CACHD1: variants seen among roughly 807,000 people sequenced by gnomAD.
CACHD1 encodes the protein cache domain containing 1, also known as VWFA and cache domain-containing protein 1.
Under a neutral mutation model 138.7 loss-of-function variants are expected in CACHD1, and 71 were observed. The ratio of observed to expected loss-of-function variants is 0.51; its 90% CI spans 0.42 to 0.62. The LOEUF (loss-of-function observed/expected upper bound fraction) is 0.62. Among genes scored for constraint, CACHD1 ranks in the 20% least tolerant of loss-of-function variants. The pLI, the probability that CACHD1 is intolerant of heterozygous loss-of-function variation, is 0.00. For missense variants in CACHD1, 1,389 were observed against 1,625.3 expected (o/e 0.85, Z 2.50); for synonymous variants, 578 against 591.5 (o/e 0.98, Z 0.33).
At chr1:64,567,411 CAT>C in intron 2 of CACHD1, among the ~76,000 whole-genome samples, 1 of 152,122 alleles carries the variant, frequency 6.6e-6, no homozygotes, top group East Asian at 1.9e-4. Context: ...AATTAGTACA[CAT>C]ATAAATCGTG....
intron 7 of CACHD1, among the ~76,000 whole-genome samples, chr1:64,639,728 C>CA (rs1163525074): frequency 6.6e-6 from 1 of 152,120 alleles, no homozygotes; most frequent in Non-Finnish European, 1.5e-5. Context: ...GTGTCTTCAC[C>CA]ATTAGGATAA....
At chr1:64,639,079 G>T (rs1648615542) in intron 7 of CACHD1, among the ~76,000 whole-genome samples, 1 of 152,126 alleles carries the variant, frequency 6.6e-6, no homozygotes, top group South Asian at 2.1e-4. Context: ...AGCTCTAAAT[G>T]ACAGTGTATT....
In CACHD1 at chr1:64,673,414, T is replaced by A; in HGVS notation, c.2677T>A (p.Phe893Ile). The A allele has an allele frequency of 1.9e-6, 3 of 1,614,170 alleles. No individual in the cohort carries two copies. The highest frequency in any genetic ancestry group is 2.5e-6 in the Non-Finnish European group (3 of 1,180,016). The change falls in exon 19 of 27, where the codon TTC (phenylalanine) becomes ATC (isoleucine). Residue 893 changes from phenylalanine (F) to isoleucine (I), a missense_variant. Physicochemically the swap from Phe to Ile is conservative, Grantham distance 21. This residue lies in a region of CACHD1 where 1,000 missense variants were observed against 1,114.7 expected (regional missense o/e 0.90). Transcript: ENST00000651257. ...TGTAAAGAAAAACCTGTGCAACAGCTTCAGTGACAGAACGGTCCAGAGGTT... is the reference window on the plus strand; with the variant it reads ...TGTAAAGAAAAACCTGTGCAACAGCATCAGTGACAGAACGGTCCAGAGGTT... ...NFVKKNLCNSFSDRTVQRFYK... is the reference protein window; with the variant it reads ...NFVKKNLCNSISDRTVQRFYK...
At chr1:64,471,199 C>T (rs112979108) in intron 1 of CACHD1, among the ~76,000 whole-genome samples, 42 of 151,996 alleles carry the variant, frequency 2.8e-4, no homozygotes, top group Non-Finnish European at 4.3e-4. Flanking sequence ...CCCTGCACAG[C>T]CCCCCTCTTC....
At chr1:64,601,649 C>T (rs995050374) in intron 3 of CACHD1, among the ~76,000 whole-genome samples, 3 of 152,196 alleles carry the variant, frequency 2.0e-5, no homozygotes, top group Non-Finnish European at 4.4e-5. Context: ...ATCAGTTCCA[C>T]GTGTTCTTAT....
At chr1:64,494,223 AT>A (rs1161173853) in intron 1 of CACHD1, among the ~76,000 whole-genome samples, 1 of 152,196 alleles carries the variant, frequency 6.6e-6, no homozygotes, top group Non-Finnish European at 1.5e-5. Context: ...GTGGCTTCTT[AT>A]CCTCTTAGTT....
intron 2 of CACHD1, among the ~76,000 whole-genome samples, chr1:64,579,232 T>A (rs1296902934): frequency 6.6e-6 from 1 of 152,282 alleles, no homozygotes; most frequent in South Asian, 2.1e-4. Flanking sequence ...TAAAAAACAT[T>A]TAAAAGTGTA....
At chr1:64,484,003 C>A (rs1388039125) in intron 1 of CACHD1, among the ~76,000 whole-genome samples, 1 of 152,026 alleles carries the variant, frequency 6.6e-6, no homozygotes, top group African/African-American at 2.4e-5. Flanking sequence ...CAGCACCGTC[C>A]CTTGCCCTTC....
chr1:64,486,356 A>G (rs1646242262), intron 1 of CACHD1, among the ~76,000 whole-genome samples: 1 of 108,786 alleles, frequency 9.2e-6, no homozygotes, highest in African/African-American at 3.5e-5. Context: ...GCGCGCACAC[A>G]CACACACACA....
At chr1:64,476,482 C>T (rs571190472) in intron 1 of CACHD1, among the ~76,000 whole-genome samples, 1 of 152,188 alleles carries the variant, frequency 6.6e-6, no homozygotes, top group Non-Finnish European at 1.5e-5. Flanking sequence ...AAGGAAAAAT[C>T]ACCTGTATAT....
chr1:64,495,901 A>G (rs1041021223), intron 1 of CACHD1, among the ~76,000 whole-genome samples: 2 of 152,190 alleles, frequency 1.3e-5, no homozygotes, highest in African/African-American at 4.8e-5. Context: ...CTAATCCATT[A>G]AAAGAAAAAA....
At chr1:64,497,755 C>G (rs1646313915) in intron 1 of CACHD1, among the ~76,000 whole-genome samples, 1 of 152,164 alleles carries the variant, frequency 6.6e-6, no homozygotes, top group African/African-American at 2.4e-5. Context: ...AGCCCTTTGA[C>G]AGGCATTTGG....
chr1:64,477,631 T>TTTA (rs1557455126), intron 1 of CACHD1, among the ~76,000 whole-genome samples: 3 of 126,900 alleles, frequency 2.4e-5, no homozygotes, highest in African/African-American at 1.1e-4. Flanking sequence ...ATTATTTTAT[T>TTTA]TTATTTTTTT....
At chr1:64,492,907 G>C (rs1646286541) in intron 1 of CACHD1, among the ~76,000 whole-genome samples, 1 of 152,190 alleles carries the variant, frequency 6.6e-6, no homozygotes, top group African/African-American at 2.4e-5. Flanking sequence ...TTGCCCTTGT[G>C]AGATACTTAG....
Position 64,671,557 on chromosome 1 carries a change from C to T in CACHD1, c.2388-7C>T, listed in dbSNP as rs1161124860. On this transcript the variant is annotated splice_polypyrimidine_tract_variant and splice_region_variant and intron_variant, in intron 16 of 26. Coordinates refer to ENST00000651257, the MANE Select transcript of CACHD1 (RefSeq NM_020925.4). The stretch of plus-strand genomic sequence containing the variant: ...CTATTGTTCTCATTGATCTTTTTCA[C>T]TTAAAGTACACAGCTGTCTTCTGGG... The T allele has an allele frequency of 1.2e-6, 2 of 1,613,888 alleles. No homozygotes were observed. The highest frequency in any genetic ancestry group is 1.3e-5 in the African/African-American group (1 of 75,034).
chr1:64,604,958 C>CT (rs1214400547), intron 4 of CACHD1, among the ~76,000 whole-genome samples: 100 of 143,028 alleles, frequency 7.0e-4, no homozygotes, highest in African/African-American at 2.4e-3. Context: ...GGCTTTTTTT[C>CT]TTTTTTTTCT....
chr1:64,614,298 C>T (rs1647635518), intron 4 of CACHD1, among the ~76,000 whole-genome samples: 1 of 151,990 alleles, frequency 6.6e-6, no homozygotes, highest in African/African-American at 2.4e-5. Context: ...CTATGTGTTG[C>T]TCTTCTTATT....
chr1:64,520,084 A>G (rs1385320148), intron 1 of CACHD1, among the ~76,000 whole-genome samples: 1 of 152,200 alleles, frequency 6.6e-6, no homozygotes, highest in African/African-American at 2.4e-5. Flanking sequence ...TGAAAGCTGT[A>G]CTTGTAGACA....
chr1:64,675,978 G>C lies in CACHD1; in HGVS notation c.2970G>C (p.Glu990Asp). 8.0e-7 allele frequency: 1 copy of C among 1,250,444 alleles called. No individual in the cohort carries two copies. The highest frequency in any genetic ancestry group is 1.1e-6 in the Non-Finnish European group (1 of 941,996). The allele number at this position is 1,250,444 out of a possible 1,614,324, so 77.5% of individuals were successfully genotyped here. ...GCACTGGCAACCTCACCAATGCAGA[G>C]AACCGGTAAAATAATTAATAATAAT... ...NECTGNLTNA[E>D]NRNPSCEVHQ... The change falls in exon 21 of 27, where the codon GAG becomes GAC. Residue 990 changes from glutamate (E) to aspartate (D), a missense_variant. Coordinates refer to ENST00000651257, the MANE Select transcript of CACHD1 (RefSeq NM_020925.4).
Sources: gnomAD v4.1 joint callset for allele counts (sites outside exome capture counted in the v4.1 genomes callset) on GRCh38, gnomAD v4.1.1 for gene constraint, gnomAD v4.1.1 regional missense constraint, MANE v1.5 for transcripts, NCBI Gene and HGNC (gene_info 2026-07-23, HGNC 2026-07-21) for gene names.